Variants in KHDRBS2 observed in about 807,000 individuals in gnomAD.
KHDRBS2 encodes KH RNA binding domain containing, signal transduction associated 2.
Under a neutral mutation model 44.3 loss-of-function variants are expected in KHDRBS2, and 26 were observed. The observed-to-expected ratio is 0.59, with a 90% CI of 0.43 to 0.81. The LOEUF is 0.81. KHDRBS2 is among the 40% of genes least tolerant of loss of function. KHDRBS2 has a pLI of 0.00. For missense variants in KHDRBS2, 476 were observed against 433.1 expected, an observed-to-expected ratio of 1.10 and a Z score of -0.88; for synonymous variants, 194 against 151.1, an observed-to-expected ratio of 1.28 and a Z score of -2.08.
chr6:62,274,524 C>T (rs1469346726), intron 1 of KHDRBS2, among the ~76,000 whole-genome samples: 3 of 152,164 alleles, frequency 2.0e-5, no homozygotes, highest in Non-Finnish European at 2.9e-5. Context: ...TCCAATGATG[C>T]TTAACTTCTA....
At chr6:61,834,564 T>C (rs1792352786) in intron 6 of KHDRBS2, among the ~76,000 whole-genome samples, 1 of 152,054 alleles carries the variant, frequency 6.6e-6, no homozygotes, top group African/African-American at 2.4e-5. Flanking sequence ...GTTTGCATTT[T>C]TTACATTTGT....
the KHDRBS2 span, among the ~76,000 whole-genome samples, chr6:61,664,826 T>C: frequency 6.6e-6 from 1 of 151,714 alleles, no homozygotes; most frequent in Non-Finnish European, 1.5e-5. Flanking sequence ...TTGGTTAAAT[T>C]GATTTGAATT....
At chr6:61,676,198 A>G (rs1362220441), downstream of KHDRBS2, among the ~76,000 whole-genome samples, 1 of 151,868 alleles carries the variant, frequency 6.6e-6, no homozygotes, top group Non-Finnish European at 1.5e-5. Flanking sequence ...TACTAACTTA[A>G]AGAAATTATC....
chr6:62,038,621 A>G (rs758885260), intron 3 of KHDRBS2, among the ~76,000 whole-genome samples: 1 of 152,088 alleles, frequency 6.6e-6, no homozygotes, highest in Non-Finnish European at 1.5e-5. Flanking sequence ...CTGATGACGC[A>G]CTTGAGTTAA....
At chr6:62,062,326 T>A (rs920051812) in intron 2 of KHDRBS2, among the ~76,000 whole-genome samples, 4 of 142,898 alleles carry the variant, frequency 2.8e-5, no homozygotes, top group Non-Finnish European at 4.6e-5. Flanking sequence ...AGAATATACA[T>A]TTTTTTCAGC....
chr6:61,638,177 A>G, the KHDRBS2 span, among the ~76,000 whole-genome samples: 1 of 152,120 alleles, frequency 6.6e-6, no homozygotes, highest in Non-Finnish European at 1.5e-5. Flanking sequence ...ATATGGAACC[A>G]AAAAAGAGCC....
At chr6:61,753,379 C>T (rs116548963) in intron 6 of KHDRBS2, among the ~76,000 whole-genome samples, 5 of 152,186 alleles carry the variant, frequency 3.3e-5, no homozygotes, top group Middle Eastern at 3.4e-3. Flanking sequence ...AGGACTTGAC[C>T]GGTGGTGGTA....
At chr6:61,988,516 G>A (rs574480502) in intron 3 of KHDRBS2, among the ~76,000 whole-genome samples, 1 of 152,084 alleles carries the variant, frequency 6.6e-6, no homozygotes, top group Non-Finnish European at 1.5e-5. Flanking sequence ...GGACTACAGA[G>A]GTGCTTGGAA....
At chr6:61,697,099 G>A in intron 8 of KHDRBS2, 96 bp downstream of exon 8, 1 of 877,534 alleles carries the variant, frequency 1.1e-6, no homozygotes, top group South Asian at 1.4e-5. Context: ...CTAGACTTCT[G>A]GAAAAACTAG....
chr6:61,773,270 G>T (rs1781306701), intron 6 of KHDRBS2, among the ~76,000 whole-genome samples: 1 of 152,168 alleles, frequency 6.6e-6, no homozygotes, highest in South Asian at 2.1e-4. Context: ...GTGTAAAAGT[G>T]TTCCTATATC....
chr6:61,662,802 G>A, the KHDRBS2 span, among the ~76,000 whole-genome samples: 1 of 151,670 alleles, frequency 6.6e-6, no homozygotes, highest in Non-Finnish European at 1.5e-5. Context: ...ACTGTTGGTG[G>A]GACTGTAAAC....
intron 6 of KHDRBS2, among the ~76,000 whole-genome samples, chr6:61,837,491 T>G (rs1792879668): frequency 6.6e-6 from 1 of 151,956 alleles, no homozygotes; most frequent in South Asian, 2.1e-4. Flanking sequence ...GCAGCAAGCT[T>G]TATTGTAAGA....
rs182154608 is a variant in KHDRBS2 at position 61,817,553 on chromosome 6, A to T, written c.810+77082T>A. On this transcript the variant is annotated intron_variant, in intron 6 of 8. Coordinates refer to ENST00000281156, the MANE Select transcript of KHDRBS2 (RefSeq NM_152688.4). Reference sequence around the variant, plus strand: ...AAAATGCATTAGATTTGAAAAATACAATGCTATGTTTTACACAGTCTGTTT... The same window carrying T: ...AAAATGCATTAGATTTGAAAAATACTATGCTATGTTTTACACAGTCTGTTT... Among the ~76,000 whole-genome samples the T allele has an allele frequency of 7.9e-5, 12 of 152,242 alleles. No individual in the cohort carries two copies. The East Asian group carries it at 2.3e-3, about 29-fold the overall frequency.
chr6:61,792,901 G>A (rs1444149725), intron 6 of KHDRBS2, among the ~76,000 whole-genome samples: 2 of 151,860 alleles, frequency 1.3e-5, no homozygotes, highest in Admixed American at 1.3e-4. Context: ...GTGTGTACCT[G>A]TGTGTATCCA....
the KHDRBS2 span, among the ~76,000 whole-genome samples, chr6:61,599,215 T>C: frequency 3.3e-5 from 5 of 152,108 alleles, no homozygotes; most frequent in South Asian, 2.1e-4. Flanking sequence ...ATAAACTTTG[T>C]TGTAAATCTG....
intron 4 of KHDRBS2, among the ~76,000 whole-genome samples, chr6:61,956,611 A>G (rs569834184): frequency 1.3e-5 from 2 of 152,176 alleles, no homozygotes; most frequent in South Asian, 4.2e-4. Context: ...TACACAGAGA[A>G]AAGGCCACAA....
Position 61,686,275 on chromosome 6 carries a change from C to G in KHDRBS2, c.953-5215G>C, listed in dbSNP as rs116266334. Among the ~76,000 whole-genome samples, 1,286 of 151,844 alleles carry G rather than the reference C, an allele frequency of 8.5e-3. 21 individuals are homozygous for G. The highest frequency in any genetic ancestry group is 0.029 in the African/African-American group (1,204 of 41,508). ...TAAAGTAGGAAACCCAAGTTAGTCT[C>G]TACCATTACAAACCGCTAGTGTTTT... On this transcript the variant is annotated intron_variant, in intron 8 of 8. Transcript: ENST00000281156.
chr6:62,188,260 T>G (rs978740505), intron 1 of KHDRBS2, among the ~76,000 whole-genome samples: 8 of 152,106 alleles, frequency 5.3e-5, no homozygotes, highest in African/African-American at 1.9e-4. Context: ...CTCTAGAACT[T>G]ATCATCTTGT....
intron 6 of KHDRBS2, among the ~76,000 whole-genome samples, chr6:61,740,432 T>A (rs1775979006): frequency 6.6e-6 from 1 of 151,936 alleles, no homozygotes; most frequent in Non-Finnish European, 1.5e-5. Context: ...GGTTTATCTA[T>A]ATCTAGTCGA....
Sources: gnomAD v4.1 joint callset for allele counts (sites outside exome capture counted in the v4.1 genomes callset) on GRCh38, gnomAD v4.1.1 for gene constraint, MANE v1.5 for transcripts, NCBI Gene and HGNC (gene_info 2026-07-23, HGNC 2026-07-21) for gene names.